The following ASCC1 variants were observed in gnomAD, a reference collection of about 807,000 sequenced individuals.
The protein encoded by ASCC1 is ASC-1 complex subunit P50.
In ASCC1, 35 loss-of-function variants were observed where a neutral mutation model predicts 46.6. The ratio of observed to expected loss-of-function variants is 0.75; its 90% CI spans 0.57 to 0.99. ASCC1 has a LOEUF of 0.99. Among genes scored for constraint, ASCC1 ranks in the 50% least tolerant of loss-of-function variants. The probability of loss-of-function intolerance (pLI) is 0.00; values close to 1 mark genes in which losing one functional copy is unlikely to be tolerated. For missense variants in ASCC1, 376 were observed against 428.7 expected (o/e 0.88, Z 1.09); for synonymous variants, 143 against 146.6 (o/e 0.98, Z 0.18).
rs111992442 is a variant in ASCC1, at chr10:72,190,200, A to G, written c.489+6611T>C. ...GCAACTTACGGCAAGCCTGTCCATC[A>G]TGGTGTTAACTAGCTAAAGTTTGCC... On this transcript the variant is annotated intron_variant, in intron 5 of 9. Transcript: ENST00000672957. The G allele has an allele frequency of 9.3e-5, 71 of 764,484 alleles. 3 individuals carry two copies. Among genetic ancestry groups the G allele is most frequent in the African/African-American group, 6.4e-4 (38 of 59,176 alleles). The allele number at this position is 764,484 out of a possible 1,614,324, so 47.4% of individuals were successfully genotyped here. A position where few individuals can be genotyped will look rare whatever the true frequency, so the allele number is the denominator to read the frequency against.
chr10:72,152,319 CA>C (rs1848461581), intron 7 of ASCC1, among the ~76,000 whole-genome samples: 1 of 151,922 alleles, frequency 6.6e-6, no homozygotes, highest in African/African-American at 2.4e-5. Flanking sequence ...CGTGAGCCAC[CA>C]TGCCCAGCCA....
intron 9 of ASCC1, among the ~76,000 whole-genome samples, chr10:72,103,509 C>G (rs1842025889): frequency 6.6e-6 from 1 of 152,240 alleles, no homozygotes; most frequent in Non-Finnish European, 1.5e-5. Context: ...TAAAGACACA[C>G]ACGAAGTTGA....
intron 9 of ASCC1, among the ~76,000 whole-genome samples, chr10:72,119,541 T>C (rs1212805295): frequency 2.0e-5 from 3 of 152,164 alleles, no homozygotes; most frequent in South Asian, 4.1e-4. Context: ...ATGAGAAGCA[T>C]AGGTGATATT....
chr10:72,184,133 G>C (rs932187368), intron 5 of ASCC1, among the ~76,000 whole-genome samples: 1 of 150,478 alleles, frequency 6.6e-6, no homozygotes, highest in Admixed American at 6.6e-5. Context: ...AACAGAGCCA[G>C]ACTCCATCTC....
chr10:72,164,847 T>C (rs912667927), intron 5 of ASCC1, among the ~76,000 whole-genome samples: 1 of 152,228 alleles, frequency 6.6e-6, no homozygotes, highest in Non-Finnish European at 1.5e-5. Context: ...TATTACATTG[T>C]GGTTTTGACT....
chr10:72,136,585 G>A (rs542373877), intron 7 of ASCC1, among the ~76,000 whole-genome samples: 6 of 152,268 alleles, frequency 3.9e-5, no homozygotes, highest in Admixed American at 1.3e-4. Flanking sequence ...GGATGTGGGC[G>A]GGGCCAAATA....
In ASCC1 at chr10:72,105,924, G is replaced by A. The variant is rs572975156; in HGVS notation, c.958-8474C>T. On this transcript the variant is annotated intron_variant, in intron 9 of 9. Transcript: ENST00000672957. ...AAACTGGCAATCTCAAACAGAGGTGGGGAGGAGGGTGGAGAGGGGCCTTTT... is the reference window on the plus strand; with the variant it reads ...AAACTGGCAATCTCAAACAGAGGTGAGGAGGAGGGTGGAGAGGGGCCTTTT... 4.6e-5 allele frequency among the ~76,000 whole-genome samples: 7 copies of A among 152,216 alleles called. No homozygotes were observed. In the South Asian group the frequency reaches 1.0e-3, roughly 23 times the overall value.
intron 7 of ASCC1, among the ~76,000 whole-genome samples, chr10:72,151,416 C>T (rs778616672): frequency 6.7e-6 from 1 of 149,942 alleles, no homozygotes; most frequent in African/African-American, 2.5e-5. Flanking sequence ...GGACACAGGG[C>T]AGGGAACATC....
chr10:72,180,792 G>A (rs1852482600), intron 5 of ASCC1: 1 of 152,166 alleles, frequency 6.6e-6, no homozygotes, highest in African/African-American at 2.4e-5. Flanking sequence ...CCAAACCTCA[G>A]CATTATAAAA....
intron 9 of ASCC1, among the ~76,000 whole-genome samples, chr10:72,109,215 T>C (rs1842662942): frequency 6.6e-6 from 1 of 152,174 alleles, no homozygotes. Flanking sequence ...GCAATTCTTA[T>C]CAACATCGTG....
intron 3 of ASCC1, among the ~76,000 whole-genome samples, chr10:72,205,358 G>A (rs893550619): frequency 1.3e-5 from 2 of 152,070 alleles, no homozygotes; most frequent in Non-Finnish European, 2.9e-5. Context: ...TGCCGGGTGC[G>A]GTGGCTCACA....
Position 72,133,078 on chromosome 10 carries a change from G to C in ASCC1, c.850C>G (p.Leu284Val). 1 of 1,614,136 alleles carries C rather than the reference G, an allele frequency of 6.2e-7. No individual in the cohort carries two copies. Among genetic ancestry groups the C allele is most frequent in the Non-Finnish European group, 8.5e-7 (1 of 1,179,992 alleles). The change falls in exon 8 of 10, where the codon CTA becomes GTA. Residue 284 changes from leucine to valine, a missense_variant. By Grantham distance (32) the Leu-to-Val change is conservative (BLOSUM62 1). Transcript: ENST00000672957. Reference protein sequence around the residue: ...VKLHATVMNTLFRKDPNAEGR... With the variant: ...VKLHATVMNTVFRKDPNAEGR... The stretch of plus-strand genomic sequence containing the variant: ...TTACCATTGGGGTCTTTCCTGAATA[G>C]TGTATTCATAACTGTAGCATGCAGT...
intron 8 of ASCC1, among the ~76,000 whole-genome samples, chr10:72,128,865 T>C (rs1845213738): frequency 6.6e-6 from 1 of 152,194 alleles, no homozygotes. Context: ...TCATTTCATG[T>C]CCTTCTCAAG....
intron 6 of ASCC1, among the ~76,000 whole-genome samples, chr10:72,158,764 G>A (rs188944127): frequency 1.2e-4 from 18 of 152,214 alleles, no homozygotes; most frequent in African/African-American, 4.3e-4. Flanking sequence ...AGCACACTAT[G>A]TACAGGTCTG....
intron 5 of ASCC1, among the ~76,000 whole-genome samples, chr10:72,167,602 A>C (rs1850517326): frequency 6.6e-6 from 1 of 151,650 alleles, no homozygotes; most frequent in African/African-American, 2.4e-5. Context: ...TGTAAATTAT[A>C]CCTTAATGAA....
intron 5 of ASCC1, among the ~76,000 whole-genome samples, chr10:72,172,534 T>C (rs1182634969): frequency 6.8e-6 from 1 of 148,124 alleles, no homozygotes; most frequent in Non-Finnish European, 1.5e-5. Flanking sequence ...TTTGTAGAAA[T>C]GGGGTTGCGC....
chr10:72,142,360 T>C (rs1446999037), intron 7 of ASCC1, among the ~76,000 whole-genome samples: 1 of 150,114 alleles, frequency 6.7e-6, no homozygotes, highest in African/African-American at 2.5e-5. Context: ...ATCCAGCAGA[T>C]TTCACTTTTT....
At chr10:72,143,994 T>A (rs1847339084) in intron 7 of ASCC1, among the ~76,000 whole-genome samples, 1 of 151,262 alleles carries the variant, frequency 6.6e-6, no homozygotes, top group Non-Finnish European at 1.5e-5. Flanking sequence ...TTTTTTCTTT[T>A]CTTTCTTTCT....
At position 72,130,963 on chromosome 10, in the gene ASCC1, C is replaced by T. The variant is rs144226159; in HGVS notation, c.871+2094G>A. ...ATAATAATGTTAAAATGTACATCATCTCAGGGGATTCTCAATTTGTTTTCC... is the reference window on the plus strand; with the variant it reads ...ATAATAATGTTAAAATGTACATCATTTCAGGGGATTCTCAATTTGTTTTCC... On this transcript the variant is annotated intron_variant, in intron 8 of 9. Transcript: ENST00000672957. 1.9e-4 allele frequency among the ~76,000 whole-genome samples: 29 copies of T among 152,304 alleles called. No individual in the cohort carries two copies. In the East Asian group the frequency reaches 4.8e-3, roughly 25 times the overall value.
Sources: gnomAD v4.1 joint callset for allele counts (sites outside exome capture counted in the v4.1 genomes callset) on GRCh38, gnomAD v4.1.1 for gene constraint, MANE v1.5 for transcripts, NCBI Gene and HGNC (gene_info 2026-07-23, HGNC 2026-07-21) for gene names.